SBF2: variants seen among roughly 807,000 people sequenced by gnomAD.
SBF2 encodes the protein myotubularin-related protein 13.
A neutral mutation model predicts 225.2 loss-of-function variants in SBF2; 112 were observed. The observed-to-expected ratio is 0.50, with a 90% confidence interval of 0.43 to 0.58. The LOEUF (loss-of-function observed/expected upper bound fraction) is 0.58. Ranked by LOEUF, SBF2 falls within the 20% of genes least tolerant of loss-of-function variation. SBF2 has a pLI of 0.00. For missense variants in SBF2, 1,996 were observed against 2,206.2 expected (o/e 0.90, Z 1.91); for synonymous variants, 763 against 773.3 (o/e 0.99, Z 0.22).
At chr11:10,286,329 TA>T (rs1450783815) in intron 1 of SBF2, among the ~76,000 whole-genome samples, 1 of 150,198 alleles carries the variant, frequency 6.7e-6, no homozygotes, top group Non-Finnish European at 1.5e-5. Context: ...TCAATAAAGC[TA>T]GAGGAAGTTT....
intron 2 of SBF2, among the ~76,000 whole-genome samples, chr11:10,157,880 G>C (rs959662068): frequency 1.3e-5 from 2 of 152,108 alleles, no homozygotes; most frequent in African/African-American, 4.8e-5. Flanking sequence ...CCCAACAACA[G>C]AAGGATAAAC....
intron 2 of SBF2, among the ~76,000 whole-genome samples, chr11:10,160,414 A>G (rs1161642317): frequency 6.6e-6 from 1 of 152,168 alleles, no homozygotes; most frequent in Non-Finnish European, 1.5e-5. Flanking sequence ...AGTTTTTGCT[A>G]TATGGGCCAA....
At chr11:10,034,757 A>G (rs1257164186) in intron 3 of SBF2, among the ~76,000 whole-genome samples, 1 of 152,222 alleles carries the variant, frequency 6.6e-6, no homozygotes, top group African/African-American at 2.4e-5. Context: ...ATACCATTAT[A>G]TAGAATTGTC....
At chr11:10,237,632 A>AT (rs1356995083) in intron 1 of SBF2, among the ~76,000 whole-genome samples, 1 of 152,254 alleles carries the variant, frequency 6.6e-6, no homozygotes, top group African/African-American at 2.4e-5. Context: ...TAAACTGCAC[A>AT]TATTTAAAGC....
chr11:10,245,105 G>C (rs1215155911), intron 1 of SBF2, among the ~76,000 whole-genome samples: 1 of 135,872 alleles, frequency 7.4e-6, no homozygotes, highest in Non-Finnish European at 1.5e-5. Context: ...CTGTACTCCA[G>C]CATGGGCAAC....
chr11:9,822,502 C>T (rs983953292), intron 28 of SBF2, among the ~76,000 whole-genome samples: 8 of 152,088 alleles, frequency 5.3e-5, no homozygotes, highest in South Asian at 2.1e-4. Context: ...CCACGTGATC[C>T]GCCCGCCTCG....
At chr11:10,178,283 G>A (rs1956560343) in intron 2 of SBF2, among the ~76,000 whole-genome samples, 1 of 150,916 alleles carries the variant, frequency 6.6e-6, no homozygotes, top group Non-Finnish European at 1.5e-5. Flanking sequence ...ATAAGCATGG[G>A]CAAGGACTTC....
intron 1 of SBF2, among the ~76,000 whole-genome samples, chr11:10,213,973 C>A (rs1958033319): frequency 6.6e-6 from 1 of 152,160 alleles, no homozygotes. Context: ...CTATGACAGT[C>A]CTAGAGTTAT....
At chr11:9,997,594 C>G (rs899069010) in intron 9 of SBF2, among the ~76,000 whole-genome samples, 7 of 152,056 alleles carry the variant, frequency 4.6e-5, no homozygotes, top group Admixed American at 3.3e-4. Context: ...CTGACTAACA[C>G]AGTGAAACCC....
At position 10,147,701 on chromosome 11, in the gene SBF2, G is replaced by C. The variant is rs192387469; in HGVS notation, c.141+46201C>G. Among the ~76,000 whole-genome samples the C allele has an allele frequency of 9.2e-5, 14 of 152,130 alleles. No individual in the cohort carries two copies. The East Asian group carries it at 2.5e-3, about 27-fold the overall frequency. On this transcript the variant is annotated intron_variant, in intron 2 of 39. Coordinates refer to ENST00000256190, the MANE Select transcript of SBF2 (RefSeq NM_030962.4). ...TTACCTATATAAAAAACCTGCACAT[G>C]AACCCCTGAACTATAACAAAAGTTT...
rs555132170 is a variant in SBF2, at chr11:9,844,207, C to T, written c.3110+1358G>A. Among the ~76,000 whole-genome samples, 187 of 152,294 alleles carry T rather than the reference C, an allele frequency of 1.2e-3. 1 individual carries two copies. Among genetic ancestry groups the T allele is most frequent in the African/African-American group, 4.2e-3 (175 of 41,562 alleles). On this transcript the variant is annotated intron_variant, in intron 24 of 39. Transcript: ENST00000256190. ...GTAAATCCCTAGGAACTTGCTCATG[C>T]TTCAGCATACCATACCTGGATATTA...
At chr11:9,969,430 A>G (rs2134391143) in intron 13 of SBF2, among the ~76,000 whole-genome samples, 2 of 152,310 alleles carry the variant, frequency 1.3e-5, no homozygotes, top group East Asian at 3.9e-4. Flanking sequence ...CATCTCACTC[A>G]CAATAAAACC....
At chr11:10,026,814 G>GCC (rs1053392969) in intron 6 of SBF2, among the ~76,000 whole-genome samples, 4 of 151,958 alleles carry the variant, frequency 2.6e-5, no homozygotes, top group Non-Finnish European at 5.9e-5. Flanking sequence ...TTGGAGACAT[G>GCC]CCACCAGGAA....
chr11:9,863,754 CT>C (rs57525886), intron 17 of SBF2, among the ~76,000 whole-genome samples: 36,891 of 141,458 alleles, frequency 0.26, 4,762 homozygotes, highest in Admixed American at 0.32. Flanking sequence ...CCCTCTCTCT[CT>C]TTTTTTTTTT....
intron 26 of SBF2, among the ~76,000 whole-genome samples, chr11:9,836,227 C>G (rs1049545869): frequency 1.3e-5 from 2 of 152,080 alleles, no homozygotes; most frequent in Admixed American, 6.6e-5. Context: ...CTTCTAGAAG[C>G]TTTATTGTTT....
intron 16 of SBF2, among the ~76,000 whole-genome samples, chr11:9,942,901 G>GAGAGAGAAAGAAAGAA (rs1209099295): frequency 4.3e-4 from 44 of 101,380 alleles, no homozygotes; most frequent in Non-Finnish European, 5.7e-4. Flanking sequence ...AAGAGAGAGA[G>GAGAGAGAAAGAAAGAA]AGAAAGAAAG....
intron 34 of SBF2, among the ~76,000 whole-genome samples, chr11:9,789,836 T>C (rs1852627586): frequency 6.6e-6 from 1 of 152,242 alleles, no homozygotes; most frequent in African/African-American, 2.4e-5. Context: ...CTTGGAGAAG[T>C]AGCCTGGTGA....
intron 16 of SBF2, chr11:9,958,392 C>T (rs1177395981): frequency 6.8e-6 from 1 of 146,030 alleles, no homozygotes; most frequent in African/African-American, 2.6e-5. Flanking sequence ...CGGAGTCTCG[C>T]TGTCGCCCAG....
At chr11:10,040,673 CT>C (rs1166308404) in intron 3 of SBF2, among the ~76,000 whole-genome samples, 4 of 151,738 alleles carry the variant, frequency 2.6e-5, no homozygotes, top group Non-Finnish European at 5.9e-5. Context: ...AGGTTGATAA[CT>C]GTACTGTTTA....
Sources: gnomAD v4.1 joint callset for allele counts (sites outside exome capture counted in the v4.1 genomes callset) on GRCh38, gnomAD v4.1.1 for gene constraint, MANE v1.5 for transcripts, NCBI Gene and HGNC (gene_info 2026-07-23, HGNC 2026-07-21) for gene names.